Variants in CLEC19A observed in about 807,000 individuals in gnomAD.
The protein encoded by CLEC19A is C-type lectin domain family 19 member A.
A neutral mutation model predicts 26.1 loss-of-function variants in CLEC19A; 21 were observed. The ratio of observed to expected loss-of-function variants is 0.80; its 90% CI spans 0.57 to 1.16. CLEC19A has a LOEUF of 1.16. Ranked by LOEUF, CLEC19A falls within the 50% of genes most tolerant of loss-of-function variation. The pLI is 0.00. For missense variants in CLEC19A, 224 were observed against 227.6 expected (o/e 0.98, Z 0.10); for synonymous variants, 89 against 88.6 (o/e 1.00, Z -0.03).
rs1157967994 is a variant in CLEC19A, at chr16:19,298,759, A to G, written c.175A>G (p.Lys59Glu). The change falls in exon 2 of 5, where the codon AAG becomes GAG. Residue 59 changes from lysine (K) to glutamate (E), a missense_variant. Coordinates refer to ENST00000636231, the MANE Select transcript of CLEC19A (RefSeq NM_001256720.2). Reference sequence around the variant, plus strand: ...CTGCTATCGATTCTTCCCTCTCAATAAGACCTGGGCTGAGGCCGACCTCTA... The same window carrying G: ...CTGCTATCGATTCTTCCCTCTCAATGAGACCTGGGCTGAGGCCGACCTCTA... ...GHCYRFFPLNKTWAEADLYCS... is the reference protein window; with the variant it reads ...GHCYRFFPLNETWAEADLYCS... 1.9e-6 allele frequency: 3 copies of G among 1,550,652 alleles called. No individual in the cohort carries two copies.
At chr16:19,290,993 C>A (rs1209811860) in intron 1 of CLEC19A, among the ~76,000 whole-genome samples, 1 of 152,098 alleles carries the variant, frequency 6.6e-6, no homozygotes, top group Non-Finnish European at 1.5e-5. Flanking sequence ...CATGTGCCAC[C>A]ACATATGGCT....
chr16:19,300,755 G>A (rs992465877), intron 2 of CLEC19A, among the ~76,000 whole-genome samples: 2 of 152,168 alleles, frequency 1.3e-5, no homozygotes, highest in Non-Finnish European at 2.9e-5. Flanking sequence ...AGTGATGGAA[G>A]CTCAGAACTG....
intron 2 of CLEC19A, among the ~76,000 whole-genome samples, chr16:19,301,734 TGG>T (rs1491475294): frequency 0.24 from 20,121 of 83,826 alleles, 2,544 homozygotes; most frequent in African/African-American, 0.31. Context: ...CAGGTTTTTT[TGG>T]TTTTTTTTTT....
chr16:19,307,825 C>A, intron 4 of CLEC19A, 148 bp downstream of exon 4: 1 of 1,045,474 alleles, frequency 9.6e-7, no homozygotes, highest in Non-Finnish European at 1.4e-6. Context: ...GTGGAGGTCA[C>A]TAGGGTGTCG....
At chr16:19,287,853 T>C (rs763112433) in intron 1 of CLEC19A, among the ~76,000 whole-genome samples, 5 of 152,236 alleles carry the variant, frequency 3.3e-5, no homozygotes, top group African/African-American at 7.2e-5. Context: ...AATGAGTTAT[T>C]GCCATTACTA....
intron 1 of CLEC19A, 83 bp downstream of exon 1, chr16:19,286,022 T>C (rs1258289859): frequency 3.6e-6 from 5 of 1,375,790 alleles, no homozygotes; most frequent in Non-Finnish European, 5.0e-6. Flanking sequence ...CCTGGCAGCT[T>C]CTGTTGGGGG....
At position 19,298,831 on chromosome 16, in the gene CLEC19A, A is replaced by G. The variant is rs1897759107; in HGVS notation, c.247A>G (p.Ile83Val). ...CAGGAAGTCCGCCAAGCTGGCCTCC[A>G]TCCACAGGTAAGTGGGATCCCCAGT... The part of the protein sequence containing the change: ...VGRKSAKLAS[I>V]HSWEENVFVY... Residue 83 changes from isoleucine (I) to valine (V), a missense_variant, in exon 2 of 5, where the codon ATC becomes GTC. Ile to Val is a conservative substitution (Grantham distance 29). Coordinates refer to ENST00000636231, the MANE Select transcript of CLEC19A (RefSeq NM_001256720.2). The G allele has an allele frequency of 6.5e-7, 1 of 1,550,248 alleles. No homozygotes were observed. Among genetic ancestry groups the G allele is most frequent in the Admixed American group, 2.0e-5 (1 of 50,980 alleles).
intron 3 of CLEC19A, among the ~76,000 whole-genome samples, chr16:19,305,702 G>A (rs960669354): frequency 6.6e-6 from 1 of 152,194 alleles, no homozygotes; most frequent in Non-Finnish European, 1.5e-5. Context: ...AGAAAAATAA[G>A]TGAGCTAATG....
intron 1 of CLEC19A, among the ~76,000 whole-genome samples, chr16:19,296,419 C>G (rs191420634): frequency 6.6e-6 from 1 of 152,126 alleles, no homozygotes; most frequent in South Asian, 2.1e-4. Flanking sequence ...GTTATAAAAC[C>G]CTGAGCTAAT....
At chr16:19,296,002 G>A (rs1263859916) in intron 1 of CLEC19A, among the ~76,000 whole-genome samples, 1 of 152,176 alleles carries the variant, frequency 6.6e-6, no homozygotes, top group African/African-American at 2.4e-5. Flanking sequence ...GAAAAGGGTG[G>A]GGACAGGCCA....
chr16:19,293,920 C>G (rs1897647393), intron 1 of CLEC19A, among the ~76,000 whole-genome samples: 1 of 152,056 alleles, frequency 6.6e-6, no homozygotes, highest in African/African-American at 2.4e-5. Flanking sequence ...CAATTATATT[C>G]TTTTAGTTTT....
Position 19,301,735 on chromosome 16 carries a change from G to GTTTTTTT in CLEC19A, c.255-2327_255-2326insTTTTTTT, listed in dbSNP as rs750529291. ...CATGACACCATGCCCAGGTTTTTTT[G>GTTTTTTT]GTTTTTTTTTTTTTTTTTTTTTTTT... On this transcript the variant is annotated intron_variant, in intron 2 of 4. Transcript: ENST00000636231. 2.1e-3 allele frequency among the ~76,000 whole-genome samples: 72 copies of GTTTTTTT among 35,036 alleles called. 1 individual carries two copies. Among genetic ancestry groups the GTTTTTTT allele is most frequent in the Admixed American group, 2.3e-3 (7 of 3,072 alleles). The allele number at this position is 35,036 out of a possible 152,430, so 23.0% of individuals were successfully genotyped here. A position where few individuals can be genotyped will look rare whatever the true frequency, so the allele number is the denominator to read the frequency against.
chr16:19,304,462 G>T, intron 3 of CLEC19A: 1 of 237,776 alleles, frequency 4.2e-6, no homozygotes, highest in Non-Finnish European at 8.5e-6. Context: ...CAGCACTTTG[G>T]GAGGCTGAGG....
intron 2 of CLEC19A, among the ~76,000 whole-genome samples, chr16:19,299,659 C>G (rs1037042289): frequency 6.6e-6 from 1 of 152,228 alleles, no homozygotes; most frequent in African/African-American, 2.4e-5. Flanking sequence ...CAAGACAGCT[C>G]TGACAACATC....
chr16:19,298,515 A>C, intron 1 of CLEC19A, 158 bp from the exon 2 acceptor site: 1 of 709,368 alleles, frequency 1.4e-6, no homozygotes, highest in East Asian at 2.8e-5. Context: ...GCAATGAGCT[A>C]TGATCAAACC....
rs574027518 is a variant in CLEC19A, at chr16:19,302,827, T to A, written c.255-1235T>A. On this transcript the variant is annotated intron_variant, in intron 2 of 4. Coordinates refer to ENST00000636231, the MANE Select transcript of CLEC19A (RefSeq NM_001256720.2). ...CCTTCAGCGTCTTCAATGCAGCAGT[T>A]CCAAGTTTTGCGTCCAGACATGGCT... Among the ~76,000 whole-genome samples, 3 of 152,270 alleles carry A rather than the reference T, an allele frequency of 2.0e-5. No individual in the cohort carries two copies. In the South Asian group the frequency reaches 6.2e-4, roughly 32 times the overall value.
chr16:19,292,704 C>G (rs1897615311), intron 1 of CLEC19A, among the ~76,000 whole-genome samples: 1 of 152,200 alleles, frequency 6.6e-6, no homozygotes, highest in South Asian at 2.1e-4. Flanking sequence ...CTCATCTTCC[C>G]TGAATAAGTC....
intron 4 of CLEC19A, among the ~76,000 whole-genome samples, chr16:19,308,078 G>C (rs1897994347): frequency 6.6e-6 from 1 of 152,226 alleles, no homozygotes; most frequent in Non-Finnish European, 1.5e-5. Context: ...GCATGAGGGT[G>C]TGGGTAGTGA....
At chr16:19,299,821 G>A (rs1478408935) in intron 2 of CLEC19A, among the ~76,000 whole-genome samples, 1 of 152,156 alleles carries the variant, frequency 6.6e-6, no homozygotes, top group East Asian at 1.9e-4. Flanking sequence ...TGTTCCATTG[G>A]CACCCAAGCT....
Sources: gnomAD v4.1 joint callset for allele counts (sites outside exome capture counted in the v4.1 genomes callset) on GRCh38, gnomAD v4.1.1 for gene constraint, MANE v1.5 for transcripts, NCBI Gene and HGNC (gene_info 2026-07-23, HGNC 2026-07-21) for gene names.